The following SEMA5A variants were observed in gnomAD, a reference collection of about 807,000 sequenced individuals.
The protein encoded by SEMA5A is semaphorin 5A.
A neutral mutation model predicts 135.5 loss-of-function variants in SEMA5A; 55 were observed. The ratio of observed to expected loss-of-function variants is 0.41; its 90% CI spans 0.33 to 0.51. The LOEUF (loss-of-function observed/expected upper bound fraction) is 0.51. Among genes scored for constraint, SEMA5A ranks in the 20% least tolerant of loss-of-function variants. The pLI is 0.37. For synonymous variants in SEMA5A, 580 were observed against 546.5 expected (o/e 1.06, Z -0.85); for missense variants, 1,290 against 1,419.9 (o/e 0.91, Z 1.47).
At chr5:9,058,573 A>G (rs555334861) in intron 18 of SEMA5A, among the ~76,000 whole-genome samples, 2 of 152,368 alleles carry the variant, frequency 1.3e-5, no homozygotes, top group African/African-American at 4.8e-5. Flanking sequence ...TTGACAGAAG[A>G]GGATAACATT....
At chr5:9,104,386 T>C (rs1366016776) in intron 16 of SEMA5A, among the ~76,000 whole-genome samples, 2 of 152,240 alleles carry the variant, frequency 1.3e-5, no homozygotes, top group African/African-American at 2.4e-5. Context: ...CCAGTATGTG[T>C]AGTTATAACT....
chr5:9,474,386 G>A (rs1346784172), intron 1 of SEMA5A, among the ~76,000 whole-genome samples: 1 of 152,012 alleles, frequency 6.6e-6, no homozygotes, highest in Non-Finnish European at 1.5e-5. Flanking sequence ...GAAACCAGCT[G>A]TGAGAGGCAT....
intron 2 of SEMA5A, among the ~76,000 whole-genome samples, chr5:9,385,799 T>TG: frequency 6.8e-6 from 1 of 148,040 alleles, no homozygotes; most frequent in East Asian, 2.0e-4. Flanking sequence ...AAGCGCTTTT[T>TG]TTTTTTTTTT....
intron 2 of SEMA5A, among the ~76,000 whole-genome samples, chr5:9,407,996 T>C (rs921468076): frequency 2.7e-4 from 39 of 146,496 alleles, no homozygotes; most frequent in South Asian, 2.1e-3. Context: ...ACTACTGCCA[T>C]CATCACCATC....
intron 10 of SEMA5A, among the ~76,000 whole-genome samples, chr5:9,194,228 A>C (rs944017526): frequency 6.6e-6 from 1 of 152,150 alleles, no homozygotes; most frequent in Non-Finnish European, 1.5e-5. Context: ...CACCGCCTAG[A>C]GTGGTTTATA....
At chr5:9,183,807 G>A (rs1470971842) in intron 11 of SEMA5A, among the ~76,000 whole-genome samples, 2 of 152,120 alleles carry the variant, frequency 1.3e-5, no homozygotes, top group African/African-American at 4.8e-5. Flanking sequence ...TTTCTTCTTT[G>A]GCTAGCAGCC....
chr5:9,526,318 G>A (rs1737121090), intron 1 of SEMA5A, among the ~76,000 whole-genome samples: 1 of 152,216 alleles, frequency 6.6e-6, no homozygotes, highest in African/African-American at 2.4e-5. Context: ...GGGATGTGTT[G>A]TAAGTAAATT....
chr5:9,218,258 A>G (rs1045960538), intron 8 of SEMA5A, among the ~76,000 whole-genome samples: 1 of 152,194 alleles, frequency 6.6e-6, no homozygotes, highest in Non-Finnish European at 1.5e-5. Flanking sequence ...GTTTTGAGCT[A>G]CCCTGTTTGT....
intron 3 of SEMA5A, among the ~76,000 whole-genome samples, chr5:9,338,643 C>T (rs1025347968): frequency 6.6e-6 from 1 of 152,142 alleles, no homozygotes; most frequent in African/African-American, 2.4e-5. Context: ...TTAACCATAA[C>T]ATCTGATTGT....
chr5:9,174,150 T>A (rs1478396708), intron 11 of SEMA5A, among the ~76,000 whole-genome samples: 2 of 152,252 alleles, frequency 1.3e-5, no homozygotes, highest in Non-Finnish European at 2.9e-5. Flanking sequence ...GGGACAAGTA[T>A]GCAGTTAGAC....
At chr5:9,534,880 T>C (rs1018536898) in intron 1 of SEMA5A, among the ~76,000 whole-genome samples, 1 of 152,220 alleles carries the variant, frequency 6.6e-6, no homozygotes, top group African/African-American at 2.4e-5. Context: ...AGATACTCTC[T>C]TTAAAAATGC....
chr5:9,387,236 G>A lies in SEMA5A; in HGVS notation c.-77-7213C>T, dbSNP rs1392828310. On this transcript the variant is annotated intron_variant, in intron 2 of 22. Coordinates refer to ENST00000382496, the MANE Select transcript of SEMA5A (RefSeq NM_003966.3). The stretch of plus-strand genomic sequence containing the variant: ...GACCAGGAGCATAGCCTTGTCTCTA[G>A]TGAATATAATCAGGGATGAACCTAA... 2.6e-5 allele frequency among the ~76,000 whole-genome samples: 4 copies of A among 152,312 alleles called. No homozygotes were observed. In the East Asian group the frequency reaches 7.7e-4, roughly 29 times the overall value.
chr5:9,187,760 G>A (rs377691744), intron 11 of SEMA5A, among the ~76,000 whole-genome samples: 8 of 152,188 alleles, frequency 5.3e-5, no homozygotes, highest in Admixed American at 1.3e-4. Context: ...GAATCTCTGC[G>A]AAATGCATTT....
intron 5 of SEMA5A, among the ~76,000 whole-genome samples, chr5:9,314,531 A>G (rs923165229): frequency 6.6e-6 from 1 of 152,120 alleles, no homozygotes; most frequent in Non-Finnish European, 1.5e-5. Context: ...AGATCATCTT[A>G]AATTACCTAT....
intron 16 of SEMA5A, among the ~76,000 whole-genome samples, chr5:9,085,117 G>A (rs777563432): frequency 2.0e-5 from 3 of 152,196 alleles, no homozygotes; most frequent in African/African-American, 4.8e-5. Context: ...TTCAAGTGGT[G>A]ACTTGGGTGC....
At chr5:9,414,253 A>T (rs1162117461) in intron 2 of SEMA5A, among the ~76,000 whole-genome samples, 1 of 152,264 alleles carries the variant, frequency 6.6e-6, no homozygotes, top group Non-Finnish European at 1.5e-5. Flanking sequence ...ACAATAAATG[A>T]AGCATAAGAC....
At chr5:9,527,232 A>T (rs773876704) in intron 1 of SEMA5A, among the ~76,000 whole-genome samples, 1 of 152,142 alleles carries the variant, frequency 6.6e-6, no homozygotes, top group Non-Finnish European at 1.5e-5. Context: ...TCAGAGCACA[A>T]GCCCTTCTAC....
chr5:9,346,292 C>T (rs2150739468), intron 3 of SEMA5A, among the ~76,000 whole-genome samples: 1 of 152,274 alleles, frequency 6.6e-6, no homozygotes, highest in East Asian at 1.9e-4. Context: ...CATCCCCTTT[C>T]CAGCTCCCCT....
chr5:9,176,122 T>G (rs145989913), intron 11 of SEMA5A, among the ~76,000 whole-genome samples: 1 of 152,278 alleles, frequency 6.6e-6, no homozygotes, highest in African/African-American at 2.4e-5. Context: ...TTCAAGTTAA[T>G]CAAAAGCTGG....
Sources: gnomAD v4.1 joint callset for allele counts (sites outside exome capture counted in the v4.1 genomes callset) on GRCh38, gnomAD v4.1.1 for gene constraint, MANE v1.5 for transcripts, NCBI Gene and HGNC (gene_info 2026-07-23, HGNC 2026-07-21) for gene names.